The following ZCWPW2 variants were observed in gnomAD, a reference collection of about 807,000 sequenced individuals.
ZCWPW2 encodes zinc finger CW-type PWWP domain protein 2.
ZCWPW2 carries 45 observed loss-of-function variants against 46.6 expected under a neutral mutation model. The ratio of observed to expected loss-of-function variants is 0.96; its 90% CI spans 0.76 to 1.24. ZCWPW2 has a LOEUF of 1.24. Ranked by LOEUF, ZCWPW2 falls within the 50% of genes most tolerant of loss-of-function variation. ZCWPW2 has a pLI of 0.00. For missense variants in ZCWPW2, 429 were observed against 403.9 expected, an observed-to-expected ratio of 1.06 and a Z score of -0.53; for synonymous variants, 152 against 137.1, an observed-to-expected ratio of 1.11 and a Z score of -0.76.
At chr3:28,389,909 A>G (rs535704876) in intron 1 of ZCWPW2, among the ~76,000 whole-genome samples, 195 of 152,280 alleles carry the variant, frequency 1.3e-3, no homozygotes, top group Admixed American at 6.7e-3. Context: ...CAACCGACTG[A>G]ATGAGAACCA....
chr3:28,498,332 C>T (rs1324639224), intron 6 of ZCWPW2, among the ~76,000 whole-genome samples: 1 of 151,508 alleles, frequency 6.6e-6, no homozygotes, highest in Non-Finnish European at 1.5e-5. Flanking sequence ...ACAACTCTGT[C>T]TGCAAGAGCT....
At chr3:28,492,325 G>A (rs1024773972) in intron 6 of ZCWPW2, 152 bp downstream of exon 6, 3 of 629,726 alleles carry the variant, frequency 4.8e-6, no homozygotes, top group South Asian at 5.9e-5. Context: ...CCTTTCTTAG[G>A]TTAATACTAG....
intron 6 of ZCWPW2, among the ~76,000 whole-genome samples, chr3:28,502,191 CT>C (rs1700160295): frequency 6.6e-6 from 1 of 152,022 alleles, no homozygotes; most frequent in Admixed American, 6.6e-5. Context: ...CAAGATTTAC[CT>C]CTTTTATCTT....
At chr3:28,445,858 A>T (rs573007306) in intron 4 of ZCWPW2, among the ~76,000 whole-genome samples, 1 of 152,288 alleles carries the variant, frequency 6.6e-6, no homozygotes, top group South Asian at 2.1e-4. Flanking sequence ...GTTCCGTGCA[A>T]ATAGTAACCA....
chr3:28,440,525 A>C (rs1331918751), intron 4 of ZCWPW2, among the ~76,000 whole-genome samples: 2 of 152,210 alleles, frequency 1.3e-5, no homozygotes, highest in African/African-American at 4.8e-5. Context: ...GAACATATGC[A>C]GCCTTCTGGA....
chr3:28,392,603 A>C (rs1695539003), intron 2 of ZCWPW2, among the ~76,000 whole-genome samples: 1 of 152,210 alleles, frequency 6.6e-6, no homozygotes, highest in Non-Finnish European at 1.5e-5. Context: ...AGGAAGATTG[A>C]AATCATATAA....
At chr3:28,392,980 G>A (rs1695555584) in intron 2 of ZCWPW2, among the ~76,000 whole-genome samples, 1 of 151,728 alleles carries the variant, frequency 6.6e-6, no homozygotes, top group South Asian at 2.1e-4. Flanking sequence ...AAATATACTA[G>A]AAAAGATCAA....
At chr3:28,503,006 G>A (rs1700189125) in intron 6 of ZCWPW2, among the ~76,000 whole-genome samples, 1 of 151,996 alleles carries the variant, frequency 6.6e-6, no homozygotes. Flanking sequence ...TGTTTATAAT[G>A]ACTAGTTTTG....
intron 4 of ZCWPW2, among the ~76,000 whole-genome samples, chr3:28,449,366 A>G (rs1049509221): frequency 6.6e-6 from 1 of 152,242 alleles, no homozygotes; most frequent in African/African-American, 2.4e-5. Context: ...GGAAATTCTG[A>G]CATGACACAT....
intron 1 of ZCWPW2, among the ~76,000 whole-genome samples, chr3:28,384,703 C>T (rs796965323): frequency 6.6e-5 from 10 of 151,350 alleles, no homozygotes; most frequent in African/African-American, 2.4e-4. Flanking sequence ...ACCTCCATCT[C>T]CTGGGTTCAA....
intron 3 of ZCWPW2, among the ~76,000 whole-genome samples, chr3:28,433,085 A>T (rs1253881648): frequency 4.9e-5 from 7 of 143,008 alleles, no homozygotes; most frequent in African/African-American, 1.7e-4. Flanking sequence ...TAAGCAAAGC[A>T]TATTCTTACA....
At chr3:28,371,494 C>A (rs1279479910) in intron 1 of ZCWPW2, among the ~76,000 whole-genome samples, 3 of 151,918 alleles carry the variant, frequency 2.0e-5, no homozygotes, top group African/African-American at 2.4e-5. Context: ...GGAAGTTGAA[C>A]AAATATCAGG....
intron 4 of ZCWPW2, among the ~76,000 whole-genome samples, chr3:28,447,327 T>G (rs1431225734): frequency 6.6e-6 from 1 of 152,132 alleles, no homozygotes; most frequent in Non-Finnish European, 1.5e-5. Context: ...AGGATTTATC[T>G]TGGAATGTAA....
At chr3:28,411,482 A>G (rs1000195793) in intron 2 of ZCWPW2, among the ~76,000 whole-genome samples, 9 of 151,978 alleles carry the variant, frequency 5.9e-5, no homozygotes, top group Non-Finnish European at 1.3e-4. Context: ...AAAAAAATCT[A>G]CTATCATGGC....
rs1446658779 is a variant in ZCWPW2 at position 28,515,624 on chromosome 3, A to G, written c.784+3A>G. 4 of 1,602,034 alleles carry G rather than the reference A, an allele frequency of 2.5e-6. No homozygotes were observed. Among genetic ancestry groups the G allele is most frequent in the Non-Finnish European group, 1.7e-6 (2 of 1,178,408 alleles). On this transcript the variant is annotated splice_donor_region_variant and intron_variant, in intron 8 of 9. Coordinates refer to ENST00000383768, the MANE Select transcript of ZCWPW2 (RefSeq NM_001040432.4). ...TGCCTTATCAAAGGAGAACAGGGGT[A>G]TGTGAAAGCCTGTCCTGCTTTTAGT...
At chr3:28,444,851 C>T (rs544140378) in intron 4 of ZCWPW2, among the ~76,000 whole-genome samples, 43 of 152,234 alleles carry the variant, frequency 2.8e-4, no homozygotes, top group African/African-American at 1.0e-3. Flanking sequence ...TATGGTCAAA[C>T]GTATTATGTA....
chr3:28,476,826 A>AT, intron 4 of ZCWPW2, among the ~76,000 whole-genome samples: 5 of 152,244 alleles, frequency 3.3e-5, no homozygotes, highest in Middle Eastern at 6.8e-3. Context: ...CAGGCATTAG[A>AT]TTCTTATAAG....
At chr3:28,360,349 C>CAAAAAA (rs71087692) in intron 1 of ZCWPW2, among the ~76,000 whole-genome samples, 61 of 53,918 alleles carry the variant, frequency 1.1e-3, no homozygotes, top group African/African-American at 2.4e-3. Context: ...ACTAAAAATA[C>CAAAAAA]AAAAAAAAAA....
rs542268580 is a variant in ZCWPW2 at position 28,391,030 on chromosome 3, G to T, written c.-14+413G>T. ...AGGGCCCCAGATAGGGATTGAAGGTGATGAAGTGTCCTGGATGTTAATGAT... is the reference window on the plus strand; with the variant it reads ...AGGGCCCCAGATAGGGATTGAAGGTTATGAAGTGTCCTGGATGTTAATGAT... On this transcript the variant is annotated intron_variant, in intron 2 of 9. Coordinates refer to ENST00000383768, the MANE Select transcript of ZCWPW2 (RefSeq NM_001040432.4). Among the ~76,000 whole-genome samples the T allele has an allele frequency of 5.9e-5, 9 of 152,274 alleles. No individual in the cohort carries two copies. In the South Asian group the frequency reaches 1.9e-3, roughly 32 times the overall value.
Sources: allele counts gnomAD v4.1 joint callset (sites outside exome capture counted in the v4.1 genomes callset), GRCh38; gene constraint gnomAD v4.1.1; transcripts MANE v1.5; gene names NCBI Gene and HGNC (gene_info 2026-07-23, HGNC 2026-07-21).